The following SGCD variants were observed in gnomAD, a reference collection of about 807,000 sequenced individuals.
SGCD encodes the protein sarcoglycan delta, also known as delta-sarcoglycan.
SGCD carries 18 observed loss-of-function variants against 36.6 expected under a neutral mutation model. That is an observed-to-expected ratio of 0.49 (90% confidence interval 0.34 to 0.73). SGCD has a LOEUF of 0.73. Among genes scored for constraint, SGCD ranks in the 30% least tolerant of loss-of-function variants. The probability of loss-of-function intolerance (pLI) is 0.01; values close to 1 mark genes in which losing one functional copy is unlikely to be tolerated. For synonymous variants in SGCD, 133 were observed against 130.6 expected, an observed-to-expected ratio of 1.02 and a Z score of -0.12; for missense variants, 387 against 346.7, an observed-to-expected ratio of 1.12 and a Z score of -0.92.
At chr5:155,768,477 C>A in the SGCD span, among the ~76,000 whole-genome samples, 1 of 151,892 alleles carries the variant, frequency 6.6e-6, no homozygotes, top group African/African-American at 2.4e-5. Context: ...CTGGGAAATG[C>A]GTAAATAAGT....
chr5:156,242,496 G>C (rs1765329732), intron 3 of SGCD, among the ~76,000 whole-genome samples: 1 of 152,060 alleles, frequency 6.6e-6, no homozygotes, highest in Non-Finnish European at 1.5e-5. Context: ...TGTAAGACTT[G>C]GGAAATCTGA....
At chr5:155,972,894 A>T (rs967209880) in intron 1 of SGCD, among the ~76,000 whole-genome samples, 28 of 151,960 alleles carry the variant, frequency 1.8e-4, no homozygotes, top group Admixed American at 1.8e-3. Flanking sequence ...CCCCTTGCCC[A>T]TTTTTCAATC....
At chr5:156,094,536 A>G (rs1761330088) in intron 1 of SGCD, among the ~76,000 whole-genome samples, 1 of 152,134 alleles carries the variant, frequency 6.6e-6, no homozygotes. Context: ...ATTAGGGTCC[A>G]ATACTGGGTA....
chr5:156,355,867 A>G (rs1561641534), intron 3 of SGCD, among the ~76,000 whole-genome samples: 1 of 151,928 alleles, frequency 6.6e-6, no homozygotes, highest in African/African-American at 2.4e-5. Context: ...GAATTCCTGA[A>G]CTCAAGTGAT....
Position 156,548,462 on chromosome 5 carries a change from A to C in SGCD, c.294+39760A>C, listed in dbSNP as rs557512337. Among the ~76,000 whole-genome samples, 5 of 152,344 alleles carry C rather than the reference A, an allele frequency of 3.3e-5. No homozygotes were observed. In the East Asian group the frequency reaches 7.7e-4, roughly 23 times the overall value. ...ACATCCAAAAGGAAAATTTGCTGAG[A>C]GACAAGAGCATATAGGGTTAAAGAC... On this transcript the variant is annotated intron_variant, in intron 4 of 8. Coordinates refer to ENST00000337851, the MANE Select transcript of SGCD (RefSeq NM_000337.6).
At chr5:156,222,387 A>T (rs1764736878) in intron 3 of SGCD, among the ~76,000 whole-genome samples, 1 of 152,270 alleles carries the variant, frequency 6.6e-6, no homozygotes, top group East Asian at 1.9e-4. Context: ...TCTACTTTAC[A>T]TTAGTGATTT....
chr5:156,301,158 G>A (rs746121429), intron 3 of SGCD, among the ~76,000 whole-genome samples: 25 of 151,698 alleles, frequency 1.6e-4, no homozygotes, highest in Admixed American at 2.6e-4. Context: ...TATTATTGTC[G>A]TCTCTTACTT....
intron 2 of SGCD, among the ~76,000 whole-genome samples, chr5:156,332,095 A>G (rs565839482): frequency 3.3e-5 from 5 of 152,204 alleles, no homozygotes; most frequent in Non-Finnish European, 7.3e-5. Context: ...GTGTCTGGAC[A>G]GCATAATTTT....
intron 2 of SGCD, among the ~76,000 whole-genome samples, chr5:156,334,385 A>G (rs1009766620): frequency 2.6e-5 from 4 of 152,254 alleles, no homozygotes; most frequent in Admixed American, 6.5e-5. Flanking sequence ...GTTTGAAATT[A>G]TTTTTGCTGC....
At chr5:156,369,140 C>T (rs1399871896) in intron 3 of SGCD, among the ~76,000 whole-genome samples, 2 of 152,160 alleles carry the variant, frequency 1.3e-5, no homozygotes, top group Admixed American at 6.5e-5. Flanking sequence ...GGTAACATAA[C>T]ACATTATTAA....
intron 1 of SGCD, among the ~76,000 whole-genome samples, chr5:155,909,415 A>G (rs1386558782): frequency 6.6e-6 from 1 of 152,016 alleles, no homozygotes; most frequent in African/African-American, 2.4e-5. Flanking sequence ...AATAACTATC[A>G]TTTTCTCCTT....
At chr5:156,621,382 G>A (rs1407736721) in intron 6 of SGCD, among the ~76,000 whole-genome samples, 1 of 152,074 alleles carries the variant, frequency 6.6e-6, no homozygotes, top group African/African-American at 2.4e-5. Context: ...TAGTAGAGAC[G>A]GGGTTTCACC....
chr5:156,021,725 G>C (rs932915630), intron 1 of SGCD, among the ~76,000 whole-genome samples: 1 of 152,132 alleles, frequency 6.6e-6, no homozygotes. Flanking sequence ...AGTGGGAAGA[G>C]CAGAGGTCTG....
chr5:156,763,861 T>G lies in SGCD; in HGVS notation c.*4471T>G, dbSNP rs1757539751. On this transcript the variant is annotated 3_prime_UTR_variant, in exon 9 of 9. Transcript: ENST00000337851. ...CTTAAGGGAATCCCTCAGCCTTTTATTTGGAAACAGTTGAAATAAACTGGC... is the reference window on the plus strand; with the variant it reads ...CTTAAGGGAATCCCTCAGCCTTTTAGTTGGAAACAGTTGAAATAAACTGGC... 1 of 152,154 alleles carries G rather than the reference T, an allele frequency of 6.6e-6. No homozygotes were observed. The highest frequency in any genetic ancestry group is 1.5e-5 in the Non-Finnish European group (1 of 68,034). 9.4% of individuals were successfully genotyped at this position (152,154 alleles called of 1,614,324 possible).
the SGCD span, among the ~76,000 whole-genome samples, chr5:155,795,203 C>G: frequency 6.6e-6 from 1 of 151,962 alleles, no homozygotes; most frequent in African/African-American, 2.4e-5. Flanking sequence ...GAGAAGGAAG[C>G]ACAGAGATGC....
At chr5:156,074,164 A>G (rs1388146986) in intron 1 of SGCD, among the ~76,000 whole-genome samples, 2 of 152,246 alleles carry the variant, frequency 1.3e-5, no homozygotes, top group East Asian at 1.9e-4. Flanking sequence ...GGAACCACAT[A>G]TGGACTACAT....
chr5:156,173,574 A>G (rs1763391676), intron 3 of SGCD, among the ~76,000 whole-genome samples: 1 of 152,136 alleles, frequency 6.6e-6, no homozygotes, highest in Non-Finnish European at 1.5e-5. Context: ...AGTACATAGC[A>G]TTTGCATTTG....
chr5:156,656,493 A>G (rs983228829), intron 7 of SGCD, among the ~76,000 whole-genome samples: 2 of 152,150 alleles, frequency 1.3e-5, no homozygotes, highest in Non-Finnish European at 2.9e-5. Flanking sequence ...TTCAAAAGGA[A>G]TGGTTCTCTG....
chr5:156,623,706 A>G (rs1762339792), intron 6 of SGCD, among the ~76,000 whole-genome samples: 1 of 152,360 alleles, frequency 6.6e-6, no homozygotes, highest in Non-Finnish European at 1.5e-5. Context: ...CAAAGGAAAG[A>G]GCCGATATGA....
Sources: gnomAD v4.1 joint callset for allele counts (sites outside exome capture counted in the v4.1 genomes callset) on GRCh38, gnomAD v4.1.1 for gene constraint, MANE v1.5 for transcripts, NCBI Gene and HGNC (gene_info 2026-07-23, HGNC 2026-07-21) for gene names.